CDH10: variants seen among roughly 807,000 people sequenced by gnomAD.
The protein encoded by CDH10 is cadherin-10.
Under a neutral mutation model 73.1 loss-of-function variants are expected in CDH10, and 30 were observed. The observed-to-expected ratio is 0.41, with a 90% CI of 0.31 to 0.56. CDH10 has a LOEUF of 0.56. Among genes scored for constraint, CDH10 ranks in the 20% least tolerant of loss-of-function variants. CDH10 has a pLI of 0.27. For missense variants in CDH10, 815 were observed against 973.7 expected (o/e 0.84, Z 2.17); for synonymous variants, 345 against 348.2 (o/e 0.99, Z 0.10).
intron 1 of CDH10, chr5:24,612,290 G>C (rs950366945): frequency 1.3e-5 from 2 of 152,142 alleles, no homozygotes; most frequent in African/African-American, 4.8e-5. Flanking sequence ...TGGCCCACTG[G>C]AAGTAAGAAT....
chr5:24,597,472 C>T (rs924457785), intron 1 of CDH10, among the ~76,000 whole-genome samples: 1 of 152,042 alleles, frequency 6.6e-6, no homozygotes, highest in Non-Finnish European at 1.5e-5. Context: ...AGCTATATGG[C>T]GACTGCAGTC....
At chr5:24,621,595 T>C (rs143477143) in intron 1 of CDH10, among the ~76,000 whole-genome samples, 99 of 152,290 alleles carry the variant, frequency 6.5e-4, no homozygotes, top group African/African-American at 2.3e-3. Flanking sequence ...ATAGGCAATG[T>C]GGAGAGATTT....
chr5:24,606,264 T>G (rs906458866), intron 1 of CDH10, among the ~76,000 whole-genome samples: 2 of 152,134 alleles, frequency 1.3e-5, no homozygotes, highest in African/African-American at 4.8e-5. Context: ...GCATCACTAA[T>G]CAGGGAAATA....
chr5:24,548,474 C>CA (rs1744423943), intron 2 of CDH10, among the ~76,000 whole-genome samples: 8 of 131,642 alleles, frequency 6.1e-5, no homozygotes, highest in South Asian at 2.6e-4. Flanking sequence ...AATTCCCAGT[C>CA]CTCCTCTTTT....
chr5:24,537,697 T>C (rs1744009841), intron 2 of CDH10, 23 bp from the exon 3 acceptor site: 2 of 1,469,742 alleles, frequency 1.4e-6, no homozygotes, highest in Admixed American at 1.9e-5. Flanking sequence ...AAAAAGAGTA[T>C]ATCCATGATC....
chr5:24,491,895 G>A (rs1029120537), intron 10 of CDH10, 68 bp from the exon 11 acceptor site: 2 of 890,264 alleles, frequency 2.2e-6, no homozygotes, highest in Middle Eastern at 3.5e-4. Context: ...GATCACCAAG[G>A]TTTAACATAT....
At chr5:24,533,932 A>G (rs1743843989) in intron 5 of CDH10, among the ~76,000 whole-genome samples, 1 of 152,066 alleles carries the variant, frequency 6.6e-6, no homozygotes, top group African/African-American at 2.4e-5. Context: ...TCACAAATAT[A>G]TAGGTACGTG....
chr5:24,503,873 C>T (rs764023100), intron 8 of CDH10, among the ~76,000 whole-genome samples: 29 of 152,000 alleles, frequency 1.9e-4, no homozygotes, highest in Non-Finnish European at 4.1e-4. Context: ...CCTGGGATTC[C>T]TCATCTGTAA....
chr5:24,532,547 C>T (rs1445102272), intron 5 of CDH10, among the ~76,000 whole-genome samples: 2 of 151,958 alleles, frequency 1.3e-5, no homozygotes, highest in African/African-American at 2.4e-5. Context: ...CTAGCCAAGC[C>T]ACTAACCGTC....
intron 9 of CDH10, among the ~76,000 whole-genome samples, chr5:24,495,901 T>C (rs896284103): frequency 6.6e-6 from 1 of 151,980 alleles, no homozygotes. Context: ...AAAGCACCCT[T>C]GAACCCTTTT....
chr5:24,536,682 T>C (rs1391457554), intron 3 of CDH10, among the ~76,000 whole-genome samples: 1 of 152,038 alleles, frequency 6.6e-6, no homozygotes, highest in Non-Finnish European at 1.5e-5. Flanking sequence ...CCCATTTATG[T>C]ACATTGAAAA....
intron 2 of CDH10, among the ~76,000 whole-genome samples, chr5:24,559,990 T>C (rs1243062047): frequency 1.3e-5 from 2 of 152,156 alleles, no homozygotes; most frequent in East Asian, 3.8e-4. Flanking sequence ...TGCTCTTAAA[T>C]AACTTACCAG....
chr5:24,555,385 G>A (rs1353693272), intron 2 of CDH10, among the ~76,000 whole-genome samples: 4 of 152,238 alleles, frequency 2.6e-5, no homozygotes, highest in Admixed American at 6.5e-5. Context: ...GCAGTAGCAT[G>A]GTAGCAGCTG....
At chr5:24,549,313 T>G (rs1200628621) in intron 2 of CDH10, among the ~76,000 whole-genome samples, 2 of 152,034 alleles carry the variant, frequency 1.3e-5, no homozygotes, top group African/African-American at 4.8e-5. Context: ...GGTAAGAAAT[T>G]TTTAAAAACT....
chr5:24,510,970 C>T (rs939487839), intron 6 of CDH10, among the ~76,000 whole-genome samples: 1 of 152,112 alleles, frequency 6.6e-6, no homozygotes, highest in African/African-American at 2.4e-5. Flanking sequence ...ACTTTTTATA[C>T]CCCCAACTGG....
chr5:24,572,433 C>T (rs1745418663), intron 2 of CDH10, among the ~76,000 whole-genome samples: 2 of 151,858 alleles, frequency 1.3e-5, no homozygotes, highest in South Asian at 4.2e-4. Context: ...TTTAAAATAT[C>T]AGGAGAAAAA....
chr5:24,555,896 T>C (rs10805764), intron 2 of CDH10, among the ~76,000 whole-genome samples: 125,963 of 151,950 alleles, frequency 0.83, 52,256 homozygotes, highest in East Asian at 0.91. Flanking sequence ...ATGAAGACAA[T>C]GAGCTGCCAT....
At chr5:24,595,731 C>G (rs558448493) in intron 1 of CDH10, among the ~76,000 whole-genome samples, 3 of 152,008 alleles carry the variant, frequency 2.0e-5, no homozygotes, top group African/African-American at 7.2e-5. Context: ...ATTGAAGAAA[C>G]AGTCATTCTC....
chr5:24,625,894 A>G (rs1172829408), intron 1 of CDH10, among the ~76,000 whole-genome samples: 1 of 151,942 alleles, frequency 6.6e-6, no homozygotes, highest in African/African-American at 2.4e-5. Context: ...CATGATCTGA[A>G]AAAATTTTAC....
Sources: gnomAD v4.1 joint callset for allele counts (sites outside exome capture counted in the v4.1 genomes callset) on GRCh38, gnomAD v4.1.1 for gene constraint, MANE v1.5 for transcripts, NCBI Gene and HGNC (gene_info 2026-07-23, HGNC 2026-07-21) for gene names.